Variants in FRYL observed in about 807,000 individuals in gnomAD.
FRYL encodes FRY like transcription coactivator.
A neutral mutation model predicts 351.2 loss-of-function variants in FRYL; 150 were observed. That is an observed-to-expected ratio of 0.43 (90% CI 0.37 to 0.49). FRYL has a LOEUF of 0.49. Ranked by LOEUF, FRYL falls within the 20% of genes least tolerant of loss-of-function variation. FRYL has a pLI of 0.00. For missense variants in FRYL, 3,036 were observed against 3,619.3 expected, an observed-to-expected ratio of 0.84 and a Z score of 4.13; for synonymous variants, 1,153 against 1,257.1, an observed-to-expected ratio of 0.92 and a Z score of 1.75.
intron 1 of FRYL, among the ~76,000 whole-genome samples, chr4:48,711,721 C>T (rs1299412156): frequency 6.6e-6 from 1 of 152,142 alleles, no homozygotes; most frequent in Admixed American, 6.5e-5. Flanking sequence ...AGTGGTTCTC[C>T]CAGCATGCAG....
intron 51 of FRYL, 60 bp downstream of exon 51, chr4:48,528,115 C>G: frequency 6.4e-7 from 1 of 1,566,240 alleles, no homozygotes; most frequent in Non-Finnish European, 8.7e-7. Context: ...AGTTTTCATA[C>G]CTATAACAAA....
At position 48,568,805 on chromosome 4, in the gene FRYL, T is replaced by C. The variant is rs149241802; in HGVS notation, c.2997-1385A>G. ...CAAGCTCTGGATCATGACCTACTAG[T>C]GGATAGGAAACTGATTTAGTGGACT... On this transcript the variant is annotated intron_variant, in intron 27 of 63. Coordinates refer to ENST00000358350, the MANE Select transcript of FRYL (RefSeq NM_015030.2). Among the ~76,000 whole-genome samples the C allele has an allele frequency of 4.6e-5, 7 of 152,318 alleles. No individual in the cohort carries two copies. The East Asian group carries it at 1.3e-3, about 29-fold the overall frequency.
intron 2 of FRYL, among the ~76,000 whole-genome samples, chr4:48,689,557 G>C (rs1765491064): frequency 6.6e-6 from 1 of 152,020 alleles, no homozygotes; most frequent in Non-Finnish European, 1.5e-5. Context: ...ATTACTATAA[G>C]TACACCACAC....
intron 1 of FRYL, among the ~76,000 whole-genome samples, chr4:48,724,923 T>G (rs1769917070): frequency 6.6e-6 from 1 of 152,204 alleles, no homozygotes; most frequent in South Asian, 2.1e-4. Context: ...ATAACAAATT[T>G]GAAACTGTTT....
At chr4:48,749,790 G>A (rs1773060978) in intron 1 of FRYL, among the ~76,000 whole-genome samples, 1 of 152,098 alleles carries the variant, frequency 6.6e-6, no homozygotes, top group African/African-American at 2.4e-5. Flanking sequence ...TGAATCTGAT[G>A]TCAAATGTGG....
intron 1 of FRYL, among the ~76,000 whole-genome samples, chr4:48,754,668 G>GGGT (rs1348886664): frequency 7.0e-6 from 1 of 142,236 alleles, no homozygotes; most frequent in African/African-American, 2.6e-5. Context: ...TTTTTTTGGG[G>GGGT]TTTTTTTTTT....
At position 48,704,721 on chromosome 4, in the gene FRYL, G is replaced by A. The variant is rs188937005; in HGVS notation, c.-204+5798C>T. Among the ~76,000 whole-genome samples, 654 of 151,934 alleles carry A rather than the reference G, an allele frequency of 4.3e-3. 2 individuals carry two copies. The highest frequency in any genetic ancestry group is 7.0e-3 in the Non-Finnish European group (478 of 67,960). ...CCCAGCACTTTGGGAGGCTGAGGCA[G>A]GCGGATCACCTGAGATCAGGAGTTC... is the stretch of plus-strand genomic sequence containing the variant. On this transcript the variant is annotated intron_variant, in intron 2 of 63. Transcript: ENST00000358350.
intron 47 of FRYL, 115 bp from the exon 48 acceptor site, chr4:48,535,942 G>C: frequency 5.0e-6 from 4 of 799,904 alleles, no homozygotes; most frequent in Non-Finnish European, 7.3e-6. Flanking sequence ...TGGTTTTAAT[G>C]CATTTTACTT....
chr4:48,547,632 T>C lies in FRYL; in HGVS notation c.5026A>G (p.Arg1676Gly), dbSNP rs1731645336. 1 of 1,604,884 alleles carries C rather than the reference T, an allele frequency of 6.2e-7. No homozygotes were observed. Among genetic ancestry groups the C allele is most frequent in the East Asian group, 2.2e-5 (1 of 44,800 alleles). Residue 1676 changes from arginine (R) to glycine (G), a missense_variant, in exon 41 of 64, where the codon AGG (arginine) becomes GGG (glycine). Arg to Gly is a moderately radical substitution (Grantham distance 125). Around this residue, in one of 7 missense-constraint regions of FRYL, gnomAD observed 1,987 missense variants for 2,311.7 expected, o/e 0.86. Coordinates refer to ENST00000358350, the MANE Select transcript of FRYL (RefSeq NM_015030.2). ...GCAACTTGTTTGACTGTAAGCACCCTGGGCTCATTAAACTCCTTGTTCCTG... is the reference window on the plus strand; with the variant it reads ...GCAACTTGTTTGACTGTAAGCACCCCGGGCTCATTAAACTCCTTGTTCCTG... ...LLRNKEFNEP[R>G]VLTVKQVAHL...
At chr4:48,629,366 G>C (rs1264654492) in intron 4 of FRYL, among the ~76,000 whole-genome samples, 2 of 152,140 alleles carry the variant, frequency 1.3e-5, no homozygotes, top group Non-Finnish European at 2.9e-5. Context: ...GGATGGGAGA[G>C]GAGGTGAAAA....
At position 48,561,474 on chromosome 4, in the gene FRYL, AT is replaced by A; in HGVS notation, c.3858del (p.Phe1287SerfsTer4). ...ARAYPELTLA[I>X]FSEISQRIQT... ...ACCAGTTCATTGATCATACCTGAGA[AT>A]ATGGCGAGAGTTAGCTCAGGATACG... is the stretch of plus-strand genomic sequence containing the variant. On this transcript the variant is annotated frameshift_variant, in exon 33 of 64. Coordinates refer to ENST00000358350, the MANE Select transcript of FRYL (RefSeq NM_015030.2). LOFTEE classifies it high-confidence loss of function. 1 of 1,589,136 alleles carries A rather than the reference AT, an allele frequency of 6.3e-7. No individual in the cohort carries two copies. Among genetic ancestry groups the A allele is most frequent in the South Asian group, 1.2e-5 (1 of 85,466 alleles).
chr4:48,586,478 TG>T, intron 19 of FRYL, 142 bp downstream of exon 19: 1 of 484,176 alleles, frequency 2.1e-6, no homozygotes, highest in Non-Finnish European at 3.6e-6. Context: ...AAAGACAAAA[TG>T]GAAGTTTAGA....
At position 48,557,113 on chromosome 4, in the gene FRYL, G is replaced by C; in HGVS notation, c.4131C>G (p.Gly1377=). Reference sequence around the variant, plus strand: ...CCACCTCCGACCAGGCCAGTTCATCGCCATACTAGATGCAATATGCACAAA... The same window carrying C: ...CCACCTCCGACCAGGCCAGTTCATCCCCATACTAGATGCAATATGCACAAA... The part of the protein sequence containing the change: ...NNLMYMTAKY[G]DELAWSEVEN... Residue 1377 remains glycine (G), a synonymous_variant, in exon 35 of 64, where the codon GGC becomes GGG. Transcript: ENST00000358350. 2.5e-6 allele frequency: 4 copies of C among 1,580,936 alleles called. No homozygotes were observed. The South Asian group carries it at 4.6e-5, about 18-fold the overall frequency.
At position 48,669,923 on chromosome 4, in the gene FRYL, T is replaced by A. The variant is rs1054542642; in HGVS notation, c.-81+14750A>T. ...TTAAAATAATTTTTTTACTGTCAAT[T>A]TTTTTTTTACATTTTTTAAAATCAT... On this transcript the variant is annotated intron_variant, in intron 3 of 63. Coordinates refer to ENST00000358350, the MANE Select transcript of FRYL (RefSeq NM_015030.2). Among the ~76,000 whole-genome samples the A allele has an allele frequency of 7.8e-4, 117 of 150,910 alleles. 1 individual carries two copies. Among genetic ancestry groups the A allele is most frequent in the Non-Finnish European group, 8.6e-4 (58 of 67,520 alleles).
At position 48,515,188 on chromosome 4, in the gene FRYL, C is replaced by T. The variant is rs779867935; in HGVS notation, c.7777G>A (p.Val2593Met). 1.9e-6 allele frequency: 3 copies of T among 1,613,914 alleles called. No individual in the cohort carries two copies. Among genetic ancestry groups the T allele is most frequent in the Non-Finnish European group, 1.7e-6 (2 of 1,179,838 alleles). Residue 2593 changes from valine (V) to methionine (M), a missense_variant, in exon 56 of 64, where the codon GTG (valine) becomes ATG (methionine). This residue lies in a region of FRYL where 1,987 missense variants were observed against 2,311.7 expected (regional missense o/e 0.86). Transcript: ENST00000358350. The part of the protein sequence containing the change: ...YIIQEQQESL[V>M]CQGILDLEET... ...TCTAAATCAAGAATTCCTTGACACACAAGAGATTCCTGCTGTTCTTGAATT... is the reference window on the plus strand; with the variant it reads ...TCTAAATCAAGAATTCCTTGACACATAAGAGATTCCTGCTGTTCTTGAATT...
At chr4:48,612,607 C>T (rs1454354368) in intron 7 of FRYL, among the ~76,000 whole-genome samples, 1 of 152,156 alleles carries the variant, frequency 6.6e-6, no homozygotes, top group Non-Finnish European at 1.5e-5. Flanking sequence ...GACAGTCTCG[C>T]TCTGTCACCC....
At chr4:48,611,213 T>TTA (rs1288611310) in intron 7 of FRYL, among the ~76,000 whole-genome samples, 105 of 152,244 alleles carry the variant, frequency 6.9e-4, no homozygotes, top group Middle Eastern at 3.4e-3. Flanking sequence ...CTTTAAATCA[T>TTA]CTCTATCTAG....
At chr4:48,565,185 TTTA>T (rs1736493371) in intron 29 of FRYL, 142 bp from the exon 30 acceptor site, 2 of 517,044 alleles carry the variant, frequency 3.9e-6, no homozygotes, top group Non-Finnish European at 6.8e-6. Flanking sequence ...AACTGAGAAA[TTTA>T]TTATGAGTAA....
At chr4:48,698,590 G>T (rs1218955894) in intron 2 of FRYL, among the ~76,000 whole-genome samples, 1 of 152,166 alleles carries the variant, frequency 6.6e-6, no homozygotes, top group Admixed American at 6.5e-5. Context: ...CTCTAGAAAT[G>T]TATAAAGCAT....
Sources: gnomAD v4.1 joint callset for allele counts (sites outside exome capture counted in the v4.1 genomes callset) on GRCh38, gnomAD v4.1.1 for gene constraint, gnomAD v4.1.1 regional missense constraint, MANE v1.5 for transcripts, NCBI Gene and HGNC (gene_info 2026-07-23, HGNC 2026-07-21) for gene names.